VPS13B: variants seen among roughly 807,000 people sequenced by gnomAD.
The protein encoded by VPS13B is intermembrane lipid transfer protein VPS13B.
VPS13B carries 285 observed loss-of-function variants against 426.4 expected under a neutral mutation model. The ratio of observed to expected loss-of-function variants is 0.67; its 90% CI spans 0.61 to 0.74. The LOEUF is 0.74. Among genes scored for constraint, VPS13B ranks in the 30% least tolerant of loss-of-function variants. VPS13B has a pLI of 0.00. For missense variants in VPS13B, 4,537 were observed against 4,782.6 expected, an observed-to-expected ratio of 0.95 and a Z score of 1.51; for synonymous variants, 1,676 against 1,676.4, an observed-to-expected ratio of 1.00 and a Z score of 0.01.
intron 35 of VPS13B, among the ~76,000 whole-genome samples, chr8:99,675,409 G>A (rs1615498): frequency 0.14 from 21,747 of 152,022 alleles, 2,087 homozygotes; most frequent in East Asian, 0.39. Context: ...TAGTTTGATT[G>A]TAATATGTCT....
chr8:99,831,547 G>C (rs1015618362), intron 51 of VPS13B, among the ~76,000 whole-genome samples: 5 of 152,068 alleles, frequency 3.3e-5, no homozygotes, highest in Non-Finnish European at 7.4e-5. Context: ...TAGGATAAAA[G>C]TCTTATACTT....
intron 33 of VPS13B, among the ~76,000 whole-genome samples, chr8:99,630,949 C>T (rs1253319626): frequency 1.3e-5 from 2 of 151,762 alleles, no homozygotes; most frequent in African/African-American, 4.8e-5. Flanking sequence ...TGATGGGGGC[C>T]ACAAAAGTTT....
At chr8:99,105,799 G>T (rs906459510) in intron 5 of VPS13B, among the ~76,000 whole-genome samples, 6 of 152,200 alleles carry the variant, frequency 3.9e-5, no homozygotes, top group Non-Finnish European at 8.8e-5. Context: ...TGGATCAGGA[G>T]TTGGAAGATC....
chr8:99,721,623 A>C (rs906166359), intron 39 of VPS13B, among the ~76,000 whole-genome samples: 3 of 152,190 alleles, frequency 2.0e-5, no homozygotes, highest in African/African-American at 7.2e-5. Context: ...GTACTTACTA[A>C]TGTTCTACTG....
At chr8:99,826,402 A>ATT (rs540531774) in intron 51 of VPS13B, among the ~76,000 whole-genome samples, 263 of 152,162 alleles carry the variant, frequency 1.7e-3, no homozygotes, top group African/African-American at 5.5e-3. Flanking sequence ...AATTCTTGTG[A>ATT]TTTTTGCACA....
chr8:99,695,144 TC>T (rs1355529330), intron 35 of VPS13B, among the ~76,000 whole-genome samples: 1 of 151,304 alleles, frequency 6.6e-6, no homozygotes, highest in African/African-American at 2.4e-5. Context: ...GTGTGGCGAT[TC>T]CTCAGGGATC....
At chr8:99,288,841 T>G (rs1444675277) in intron 19 of VPS13B, among the ~76,000 whole-genome samples, 1 of 152,042 alleles carries the variant, frequency 6.6e-6, no homozygotes, top group Non-Finnish European at 1.5e-5. Flanking sequence ...ACTTGAAAAA[T>G]AGCTCTTTGA....
chr8:99,831,076 C>CTTTTTTTTTTTTTTTTT lies in VPS13B; in HGVS notation c.9331-1279_9331-1278insTTTTTTTTTTTTTTTTT, dbSNP rs773817774. On this transcript the variant is annotated intron_variant, in intron 51 of 61. Coordinates refer to ENST00000357162, the MANE Select transcript of VPS13B (RefSeq NM_152564.5). ...CTTGCCCGGGAATTGGTGTTTTTTT[C>CTTTTTTTTTTTTTTTTT]TTTTTTTTTTTTTTGAGATAGAGTC... Among the ~76,000 whole-genome samples the CTTTTTTTTTTTTTTTTT allele has an allele frequency of 1.7e-4, 21 of 120,068 alleles. 1 individual carries two copies. The highest frequency in any genetic ancestry group is 5.8e-4 in the African/African-American group (18 of 31,290). The allele number at this position is 120,068 out of a possible 152,430, so 78.8% of individuals were successfully genotyped here. A position where few individuals can be genotyped will look rare whatever the true frequency, so the allele number is the denominator to read the frequency against.
chr8:99,710,458 T>C (rs1832665776), intron 36 of VPS13B, among the ~76,000 whole-genome samples: 1 of 152,058 alleles, frequency 6.6e-6, no homozygotes, highest in African/African-American at 2.4e-5. Flanking sequence ...TTTATATGTG[T>C]GGTAATATAT....
Position 99,876,777 on chromosome 8 carries a change from TA to T in VPS13B, c.*1112del, listed in dbSNP as rs1817719577. 1 of 152,194 alleles carries T rather than the reference TA, an allele frequency of 6.6e-6. No individual in the cohort carries two copies. Among genetic ancestry groups the T allele is most frequent in the Non-Finnish European group, 1.5e-5 (1 of 68,016 alleles). 9.4% of individuals were successfully genotyped at this position (152,194 alleles called of 1,614,324 possible). On this transcript the variant is annotated 3_prime_UTR_variant, in exon 62 of 62. Coordinates refer to ENST00000357162, the MANE Select transcript of VPS13B (RefSeq NM_152564.5). ...TTAGAGCATGTTTGCTGATTGATATTACATTTAAACTTGGGGCTACAGCTTG... is the reference window on the plus strand; with the variant it reads ...TTAGAGCATGTTTGCTGATTGATATTCATTTAAACTTGGGGCTACAGCTTG...
intron 19 of VPS13B, among the ~76,000 whole-genome samples, chr8:99,337,646 A>G (rs1357482044): frequency 6.6e-6 from 1 of 151,822 alleles, no homozygotes; most frequent in African/African-American, 2.4e-5. Context: ...ATGTGTGCAT[A>G]ATATATTTTC....
chr8:99,447,599 T>C (rs1037370419), intron 23 of VPS13B, among the ~76,000 whole-genome samples: 15 of 152,182 alleles, frequency 9.9e-5, no homozygotes, highest in African/African-American at 3.6e-4. Flanking sequence ...TACCTCTGTG[T>C]TTCTGGTTTC....
intron 34 of VPS13B, among the ~76,000 whole-genome samples, chr8:99,653,711 A>G (rs1429949656): frequency 1.3e-5 from 2 of 152,222 alleles, no homozygotes; most frequent in African/African-American, 4.8e-5. Context: ...CTAGCAAGAT[A>G]TGAAAGACTT....
chr8:99,283,578 G>A (rs1456218386), intron 19 of VPS13B, among the ~76,000 whole-genome samples: 1 of 152,166 alleles, frequency 6.6e-6, no homozygotes, highest in African/African-American at 2.4e-5. Context: ...AGATGCAGGT[G>A]TTCTCCAGTC....
intron 36 of VPS13B, among the ~76,000 whole-genome samples, chr8:99,704,047 G>A (rs1832398883): frequency 6.6e-6 from 1 of 152,160 alleles, no homozygotes; most frequent in South Asian, 2.1e-4. Context: ...GAATAGGGAA[G>A]AAGTTAGAAG....
At chr8:99,275,052 A>C (rs1818822661) in intron 18 of VPS13B, 29 bp from the exon 19 acceptor site, 1 of 1,544,970 alleles carries the variant, frequency 6.5e-7, no homozygotes, top group Admixed American at 1.9e-5. Flanking sequence ...TTTTATTTTT[A>C]TTATTGTTTT....
intron 20 of VPS13B, among the ~76,000 whole-genome samples, chr8:99,387,895 A>T (rs1479995544): frequency 6.6e-6 from 1 of 152,216 alleles, no homozygotes; most frequent in Non-Finnish European, 1.5e-5. Flanking sequence ...TTACTTCTTG[A>T]TGTAGGTATG....
rs564922795 is a variant in VPS13B, at chr8:99,842,261, A to G, written c.9943-6515A>G. ...AGCATATTTTCAGATCAGTTTAGAC[A>G]TATCAACTTGCAGCAAAAGATGAGT... On this transcript the variant is annotated intron_variant, in intron 54 of 61. Coordinates refer to ENST00000357162, the MANE Select transcript of VPS13B (RefSeq NM_152564.5). Among the ~76,000 whole-genome samples the G allele has an allele frequency of 9.2e-5, 14 of 152,350 alleles. No homozygotes were observed. In the South Asian group the frequency reaches 2.7e-3, roughly 29 times the overall value.
intron 19 of VPS13B, 35 bp downstream of exon 19, chr8:99,275,289 CTTTTTTTTT>C: frequency 8.4e-7 from 1 of 1,195,392 alleles, no homozygotes; most frequent in Non-Finnish European, 1.1e-6. Context: ...CCTTGTTTTG[CTTTTTTTTT>C]TTTTTTTTTC....
Sources: allele counts gnomAD v4.1 joint callset (sites outside exome capture counted in the v4.1 genomes callset), GRCh38; gene constraint gnomAD v4.1.1; transcripts MANE v1.5; gene names NCBI Gene and HGNC (gene_info 2026-07-23, HGNC 2026-07-21).